COL4A1: variants seen among roughly 807,000 people sequenced by gnomAD.
COL4A1 encodes the protein collagen alpha-1(IV) chain.
A neutral mutation model predicts 216.6 loss-of-function variants in COL4A1; 40 were observed. That is an observed-to-expected ratio of 0.18 (90% CI 0.14 to 0.24). The LOEUF (loss-of-function observed/expected upper bound fraction) is 0.24. Among genes scored for constraint, COL4A1 ranks in the 10% least tolerant of loss-of-function variants. COL4A1 has a pLI of 1.00. For missense variants in COL4A1, 1,628 were observed against 2,196.8 expected (o/e 0.74, Z 5.18); for synonymous variants, 839 against 810.7 (o/e 1.03, Z -0.59).
intron 1 of COL4A1, among the ~76,000 whole-genome samples, chr13:110,302,147 T>G (rs1884519568): frequency 1.3e-5 from 2 of 152,062 alleles, no homozygotes; most frequent in Non-Finnish European, 2.9e-5. Context: ...AGTAGGAGAC[T>G]TTGTGACTGA....
At chr13:110,153,511 GAC>G (rs1291194454) in intron 50 of COL4A1, among the ~76,000 whole-genome samples, 1 of 152,192 alleles carries the variant, frequency 6.6e-6, no homozygotes, top group Non-Finnish European at 1.5e-5. Context: ...GGCTTTCTCT[GAC>G]ACACAGAGAT....
chr13:110,231,933 TC>T (rs1273012337), intron 2 of COL4A1, among the ~76,000 whole-genome samples: 1 of 152,174 alleles, frequency 6.6e-6, no homozygotes, highest in Non-Finnish European at 1.5e-5. Flanking sequence ...TCTGGTTAAG[TC>T]CTCAAGCTCT....
chr13:110,166,081 C>T, intron 45 of COL4A1, 151 bp downstream of exon 45: 1 of 722,108 alleles, frequency 1.4e-6, no homozygotes, highest in Middle Eastern at 2.4e-4. Flanking sequence ...GGAATCTTGA[C>T]TTGCTGCAAA....
intron 17 of COL4A1, among the ~76,000 whole-genome samples, chr13:110,204,181 T>C (rs537287028): frequency 6.6e-6 from 1 of 152,304 alleles, no homozygotes; most frequent in African/African-American, 2.4e-5. Flanking sequence ...AACCCTTTCA[T>C]ATCAAATATT....
At chr13:110,282,212 C>G (rs1235728618) in intron 1 of COL4A1, among the ~76,000 whole-genome samples, 2 of 152,150 alleles carry the variant, frequency 1.3e-5, no homozygotes, top group African/African-American at 4.8e-5. Flanking sequence ...TCAGACAGAC[C>G]TGAGTTTGAA....
intron 2 of COL4A1, among the ~76,000 whole-genome samples, chr13:110,241,017 G>A (rs924109965): frequency 2.0e-5 from 3 of 152,066 alleles, no homozygotes; most frequent in Admixed American, 6.5e-5. Flanking sequence ...CTAGAGGTGT[G>A]TGCCACCACG....
intron 48 of COL4A1, among the ~76,000 whole-genome samples, chr13:110,161,641 T>C (rs1474468288): frequency 6.6e-6 from 1 of 151,408 alleles, no homozygotes; most frequent in Non-Finnish European, 1.5e-5. Flanking sequence ...GGGCAATGTC[T>C]TTCACAACAG....
At chr13:110,270,116 G>A (rs922535573) in intron 1 of COL4A1, among the ~76,000 whole-genome samples, 1 of 152,190 alleles carries the variant, frequency 6.6e-6, no homozygotes, top group African/African-American at 2.4e-5. Context: ...TCAGCCAGAT[G>A]TCACTGCAGA....
chr13:110,231,023 G>C (rs138611836), intron 2 of COL4A1, among the ~76,000 whole-genome samples: 1 of 152,184 alleles, frequency 6.6e-6, no homozygotes, highest in African/African-American at 2.4e-5. Flanking sequence ...GATTAATGAC[G>C]TTGCATCCAT....
intron 1 of COL4A1, among the ~76,000 whole-genome samples, chr13:110,292,252 T>C (rs572937004): frequency 1.7e-3 from 257 of 152,342 alleles, no homozygotes; most frequent in Non-Finnish European, 3.0e-3. Context: ...ACCAGCAGTC[T>C]GTGGCATACA....
intron 19 of COL4A1, 49 bp downstream of exon 19, chr13:110,201,389 A>AG (rs1405000468): frequency 8.4e-7 from 1 of 1,195,760 alleles, no homozygotes; most frequent in African/African-American, 2.0e-5. Flanking sequence ...GAGGAGGAGG[A>AG]GAGAAGGAGG....
rs529880537 is a variant in COL4A1, at chr13:110,153,294, A to T, written c.4756-788T>A. ...ATAGCTTCAAGGCGGAGCAGAGGCA[A>T]GGACGGGGTCTCCAGACCTCCAGAT... On this transcript the variant is annotated intron_variant, in intron 50 of 51. Transcript: ENST00000375820. 2.0e-4 allele frequency among the ~76,000 whole-genome samples: 30 copies of T among 152,384 alleles called. No individual in the cohort carries two copies. In the East Asian group the frequency reaches 5.4e-3, roughly 27 times the overall value.
At position 110,285,821 on chromosome 13, in the gene COL4A1, C is replaced by T. The variant is rs1883822469; in HGVS notation, c.84+21123G>A. ...TTGTAGACAGCACACTGTGGGACCT[C>T]TCAGCCCCCATGGTCATGTGTGAGT... On this transcript the variant is annotated intron_variant, in intron 1 of 51. Coordinates refer to ENST00000375820, the MANE Select transcript of COL4A1 (RefSeq NM_001845.6). Among the ~76,000 whole-genome samples the T allele has an allele frequency of 2.0e-5, 3 of 152,166 alleles. 1 individual carries two copies. In the South Asian group the frequency reaches 6.2e-4, roughly 32 times the overall value.
At position 110,176,820 on chromosome 13, in the gene COL4A1, C is replaced by T. The variant is rs138807113; in HGVS notation, c.2869+65G>A. ...TGGTTTGGTTATTATTTATGGAGGA[C>T]CCGATAACCCAGGAAAGGCACATTG... On this transcript the variant is annotated intron_variant, in intron 34 of 51. Coordinates refer to ENST00000375820, the MANE Select transcript of COL4A1 (RefSeq NM_001845.6). 1,905 of 1,613,938 alleles carry T rather than the reference C, an allele frequency of 1.2e-3. 2 individuals are homozygous for T. Among genetic ancestry groups the T allele is most frequent in the East Asian group, 1.6e-3 (73 of 44,882 alleles).
rs1879806482 is a variant in COL4A1, at chr13:110,211,752, TATATAAA to T, written c.442-86_442-80del. 1 of 1,426,206 alleles carries T rather than the reference TATATAAA, an allele frequency of 7.0e-7. No homozygotes were observed. Among genetic ancestry groups the T allele is most frequent in the Non-Finnish European group, 9.6e-7 (1 of 1,042,730 alleles). The allele number at this position is 1,426,206 out of a possible 1,614,324, so 88.3% of individuals were successfully genotyped here. On this transcript the variant is annotated intron_variant, in intron 7 of 51. Transcript: ENST00000375820. The surrounding 1 kb of genome is among the most constrained non-coding windows in gnomAD (Gnocchi z 4.3). ...TTAAAATTGTTATCATGTAATATTATATATAAAATATAAGTTATTAAAACATAAGCAA... is the reference window on the plus strand; with the variant it reads ...TTAAAATTGTTATCATGTAATATTATATATAAGTTATTAAAACATAAGCAA...
chr13:110,242,594 C>T, intron 2 of COL4A1, 81 bp downstream of exon 2: 1 of 1,464,644 alleles, frequency 6.8e-7, no homozygotes, highest in South Asian at 1.1e-5. Context: ...ACCTGAATTG[C>T]TGATTATTCG....
intron 2 of COL4A1, among the ~76,000 whole-genome samples, chr13:110,240,619 T>A (rs1169238275): frequency 6.6e-6 from 1 of 152,210 alleles, no homozygotes; most frequent in African/African-American, 2.4e-5. Flanking sequence ...TGGGCAATGT[T>A]GAGATGAAAT....
At chr13:110,164,800 G>A in intron 46 of COL4A1, 62 bp downstream of exon 46, 2 of 1,592,200 alleles carry the variant, frequency 1.3e-6, no homozygotes, top group African/African-American at 1.4e-5. Flanking sequence ...GGGTGAGGAG[G>A]AACTCTGACC....
intron 20 of COL4A1, among the ~76,000 whole-genome samples, chr13:110,200,278 G>A (rs562164085): frequency 7.9e-5 from 12 of 152,296 alleles, no homozygotes; most frequent in African/African-American, 2.9e-4. Flanking sequence ...AGACAACAGC[G>A]AGCCTCTGCA....
Sources: gnomAD v4.1 joint callset for allele counts (sites outside exome capture counted in the v4.1 genomes callset) on GRCh38, gnomAD v4.1.1 for gene constraint, Gnocchi (gnomAD v3.1) non-coding constraint, MANE v1.5 for transcripts, NCBI Gene and HGNC (gene_info 2026-07-23, HGNC 2026-07-21) for gene names.